Variants in EEIG2 observed in about 807,000 individuals in gnomAD.
EEIG2 encodes the protein EEIG family member 2, also known as family with sequence similarity 102 member B.
chr1:108,572,762 C>T, the EEIG2 span, among the ~76,000 whole-genome samples: 40 of 152,056 alleles, frequency 2.6e-4, no homozygotes, highest in Non-Finnish European at 2.4e-4. Flanking sequence ...ATTACAGGAG[C>T]GCGCCACCAC....
At chr1:108,586,899 G>A in the EEIG2 span, among the ~76,000 whole-genome samples, 2 of 152,138 alleles carry the variant, frequency 1.3e-5, no homozygotes, top group Non-Finnish European at 2.9e-5. Context: ...CAAAAGTAAA[G>A]TCTCTTTGGA....
At chr1:108,624,898 T>A in the EEIG2 span, 1 of 637,848 alleles carries the variant, frequency 1.6e-6, no homozygotes, top group Non-Finnish European at 2.8e-6. Flanking sequence ...ATCCAGTGCT[T>A]TATTTTGTCT....
chr1:108,565,500 T>G, the EEIG2 span, among the ~76,000 whole-genome samples: 2 of 152,252 alleles, frequency 1.3e-5, no homozygotes, highest in Admixed American at 6.5e-5. Context: ...AAATCACTTT[T>G]AAGGTTTATT....
chr1:108,622,572 A>T, the EEIG2 span, among the ~76,000 whole-genome samples: 2 of 152,222 alleles, frequency 1.3e-5, no homozygotes, highest in Admixed American at 6.5e-5. Context: ...AATGACATTT[A>T]CAGAGAGAAT....
the EEIG2 span, among the ~76,000 whole-genome samples, chr1:108,590,495 T>C: frequency 6.6e-6 from 1 of 152,242 alleles, no homozygotes. Flanking sequence ...AGCCAGGCAC[T>C]GTTCTGAACT....
the EEIG2 span, among the ~76,000 whole-genome samples, chr1:108,608,988 G>T: frequency 6.6e-6 from 1 of 152,198 alleles, no homozygotes; most frequent in African/African-American, 2.4e-5. Context: ...ATCCATTCTT[G>T]AGGACTCCAC....
chr1:108,598,798 T>A, the EEIG2 span, among the ~76,000 whole-genome samples: 2 of 152,200 alleles, frequency 1.3e-5, no homozygotes, highest in East Asian at 1.9e-4. Context: ...GCTTTTTTTT[T>A]ATAATTCCTG....
At chr1:108,630,252 T>C in the EEIG2 span, among the ~76,000 whole-genome samples, 1 of 152,222 alleles carries the variant, frequency 6.6e-6, no homozygotes, top group Non-Finnish European at 1.5e-5. Flanking sequence ...TGTTAACCTT[T>C]CTTGTACTCT....
the EEIG2 span, among the ~76,000 whole-genome samples, chr1:108,604,927 T>C: frequency 2.6e-5 from 4 of 151,292 alleles, no homozygotes; most frequent in Admixed American, 1.3e-4. Flanking sequence ...ACCTGTAGTC[T>C]TAGCTACTCA....
At chr1:108,638,112 C>T in the EEIG2 span, 1 of 152,242 alleles carries the variant, frequency 6.6e-6, no homozygotes, top group African/African-American at 2.4e-5. Context: ...GTGTCTTGCT[C>T]GGTCACCTAG....
At chr1:108,625,501 T>C in the EEIG2 span, 1 of 152,160 alleles carries the variant, frequency 6.6e-6, no homozygotes, top group Non-Finnish European at 1.5e-5. Context: ...AAATATTTGG[T>C]TTCTTATAAA....
the EEIG2 span, among the ~76,000 whole-genome samples, chr1:108,569,293 G>C: frequency 6.6e-6 from 1 of 152,170 alleles, no homozygotes; most frequent in Non-Finnish European, 1.5e-5. Context: ...GTTATTCCTC[G>C]TTAGGAGGAT....
the EEIG2 span, among the ~76,000 whole-genome samples, chr1:108,587,539 T>C: frequency 9.6e-3 from 1,456 of 152,270 alleles, 22 homozygotes; most frequent in African/African-American, 0.033. Flanking sequence ...GAAGTTTCAC[T>C]GCCCTAAAAA....
the EEIG2 span, among the ~76,000 whole-genome samples, chr1:108,564,490 T>C: frequency 6.6e-6 from 1 of 152,222 alleles, no homozygotes; most frequent in East Asian, 1.9e-4. Context: ...TTAAGTTGTA[T>C]GCTTAGCATG....
At chr1:108,636,900 T>A in the EEIG2 span, 1 of 152,152 alleles carries the variant, frequency 6.6e-6, no homozygotes, top group South Asian at 2.1e-4. Flanking sequence ...TGACATTTTT[T>A]AAAAACATAT....
chr1:108,624,647 C>T, the EEIG2 span: 7 of 1,613,022 alleles, frequency 4.3e-6, no homozygotes, highest in Non-Finnish European at 5.9e-6. Flanking sequence ...ATTTACAGGC[C>T]TCCCTCCACT....
At chr1:108,624,641 A>G in the EEIG2 span, 18 of 1,611,632 alleles carry the variant, frequency 1.1e-5, no homozygotes, top group Non-Finnish European at 1.5e-5. Flanking sequence ...ATGTTTATTT[A>G]CAGGCCTCCC....
the EEIG2 span, among the ~76,000 whole-genome samples, chr1:108,594,510 C>T: frequency 3.3e-5 from 5 of 152,110 alleles, no homozygotes; most frequent in African/African-American, 7.2e-5. Flanking sequence ...TGACAAGTCA[C>T]ATAATTTCTG....
the EEIG2 span, among the ~76,000 whole-genome samples, chr1:108,623,523 A>G: frequency 6.6e-6 from 1 of 152,164 alleles, no homozygotes; most frequent in Non-Finnish European, 1.5e-5. Flanking sequence ...ATAAAAGAGT[A>G]TAATTGGACT....
Sources: gnomAD v4.1 joint callset for allele counts (sites outside exome capture counted in the v4.1 genomes callset) on GRCh38, gnomAD v4.1.1 for gene constraint, MANE v1.5 for transcripts, NCBI Gene and HGNC (gene_info 2026-07-23, HGNC 2026-07-21) for gene names.